Variants in MARCHF4 observed in about 807,000 individuals in gnomAD.
MARCHF4 encodes the protein membrane associated ring-CH-type finger 4, also known as E3 ubiquitin-protein ligase MARCHF4.
A neutral mutation model predicts 43.9 loss-of-function variants in MARCHF4; 14 were observed. The observed-to-expected ratio is 0.32, with a 90% CI of 0.21 to 0.50. The LOEUF (loss-of-function observed/expected upper bound fraction) is 0.50. Among genes scored for constraint, MARCHF4 ranks in the 20% least tolerant of loss-of-function variants. The pLI is 0.98. For synonymous variants in MARCHF4, 226 were observed against 213.3 expected (o/e 1.06, Z -0.52); for missense variants, 468 against 536.7 (o/e 0.87, Z 1.27).
intron 3 of MARCHF4, among the ~76,000 whole-genome samples, chr2:216,269,097 A>G (rs1441197471): frequency 6.6e-6 from 1 of 152,234 alleles, no homozygotes; most frequent in African/African-American, 2.4e-5. Flanking sequence ...AAGCTTTGGA[A>G]ATAATCTCAG....
At chr2:216,338,265 G>A (rs552436951) in intron 1 of MARCHF4, among the ~76,000 whole-genome samples, 7 of 152,266 alleles carry the variant, frequency 4.6e-5, no homozygotes, top group South Asian at 4.1e-4. Context: ...GTCACTCCTT[G>A]CCTTGTCCTC....
chr2:216,326,984 A>G (rs916870139), intron 1 of MARCHF4, among the ~76,000 whole-genome samples: 1 of 152,094 alleles, frequency 6.6e-6, no homozygotes, highest in Non-Finnish European at 1.5e-5. Flanking sequence ...ATAAATAAAT[A>G]AATAACAAAA....
At chr2:216,331,520 C>T (rs182158028) in intron 1 of MARCHF4, among the ~76,000 whole-genome samples, 1 of 152,098 alleles carries the variant, frequency 6.6e-6, no homozygotes, top group African/African-American at 2.4e-5. Context: ...ATCTGACATA[C>T]ACATGAAAAG....
intron 1 of MARCHF4, among the ~76,000 whole-genome samples, chr2:216,349,741 A>C (rs1352886625): frequency 6.6e-6 from 1 of 152,166 alleles, no homozygotes; most frequent in Non-Finnish European, 1.5e-5. Flanking sequence ...GATTAGCCAG[A>C]GTATCTGGTG....
intron 1 of MARCHF4, among the ~76,000 whole-genome samples, chr2:216,317,844 T>C (rs6709278): frequency 0.066 from 10,003 of 152,246 alleles, 1,108 homozygotes; most frequent in African/African-American, 0.23. Flanking sequence ...ACACATTGAC[T>C]ATCAGAGAAT....
intron 3 of MARCHF4, among the ~76,000 whole-genome samples, chr2:216,264,337 G>C (rs767316949): frequency 1.3e-5 from 2 of 152,118 alleles, no homozygotes; most frequent in Non-Finnish European, 2.9e-5. Flanking sequence ...GAAGATCACT[G>C]GTGGACCCTC....
intron 1 of MARCHF4, among the ~76,000 whole-genome samples, chr2:216,297,829 G>A (rs1424874671): frequency 6.6e-6 from 1 of 152,122 alleles, no homozygotes; most frequent in African/African-American, 2.4e-5. Context: ...GCCATTCAGC[G>A]GCATTGGTTG....
chr2:216,301,846 T>G (rs1691497384), intron 1 of MARCHF4, among the ~76,000 whole-genome samples: 1 of 152,224 alleles, frequency 6.6e-6, no homozygotes, highest in African/African-American at 2.4e-5. Context: ...ACAGTATTGC[T>G]GATCTAATAA....
chr2:216,324,892 T>C (rs1691963041), intron 1 of MARCHF4, among the ~76,000 whole-genome samples: 1 of 147,746 alleles, frequency 6.8e-6, no homozygotes, highest in South Asian at 2.2e-4. Context: ...GCATTCCCTT[T>C]GAAAACGGGC....
intron 1 of MARCHF4, among the ~76,000 whole-genome samples, chr2:216,315,134 C>T (rs1414342172): frequency 6.6e-6 from 1 of 152,054 alleles, no homozygotes; most frequent in Non-Finnish European, 1.5e-5. Flanking sequence ...AAAGGTCAAG[C>T]AAATTCACAA....
At chr2:216,272,242 C>G (rs575808519) in intron 3 of MARCHF4, among the ~76,000 whole-genome samples, 2 of 152,246 alleles carry the variant, frequency 1.3e-5, no homozygotes, top group Non-Finnish European at 2.9e-5. Flanking sequence ...GAACCTTTCA[C>G]CAGAGTGTCT....
At chr2:216,329,038 A>G (rs1692041790) in intron 1 of MARCHF4, among the ~76,000 whole-genome samples, 1 of 152,110 alleles carries the variant, frequency 6.6e-6, no homozygotes, top group Non-Finnish European at 1.5e-5. Context: ...AAAACAACAA[A>G]CAAGAAAACA....
chr2:216,291,359 G>C (rs1691305069), intron 1 of MARCHF4, among the ~76,000 whole-genome samples: 1 of 152,164 alleles, frequency 6.6e-6, no homozygotes, highest in South Asian at 2.1e-4. Context: ...GCAATATGAA[G>C]AAAAGGCATA....
chr2:216,281,058 C>CT lies in MARCHF4; in HGVS notation c.672+2515dup, dbSNP rs58189904. 2.1e-3 allele frequency among the ~76,000 whole-genome samples: 214 copies of CT among 104,290 alleles called. 1 individual carries two copies. The highest frequency in any genetic ancestry group is 5.0e-3 in the East Asian group (19 of 3,838). The allele number at this position is 104,290 out of a possible 152,430, so 68.4% of individuals were successfully genotyped here. ...GGAAACAGTGTATTATTTCTCACAACTTTTTTTTTTTTTTTTTTTTTTTTT... is the reference window on the plus strand; with the variant it reads ...GGAAACAGTGTATTATTTCTCACAACTTTTTTTTTTTTTTTTTTTTTTTTTT... On this transcript the variant is annotated intron_variant, in intron 2 of 3. Coordinates refer to ENST00000273067, the MANE Select transcript of MARCHF4 (RefSeq NM_020814.3).
chr2:216,306,335 A>G (rs1387339334), intron 1 of MARCHF4, among the ~76,000 whole-genome samples: 1 of 152,234 alleles, frequency 6.6e-6, no homozygotes, highest in Non-Finnish European at 1.5e-5. Flanking sequence ...ATCATTTTAT[A>G]AGTAAAATAG....
At chr2:216,290,916 C>G (rs568674941) in intron 1 of MARCHF4, among the ~76,000 whole-genome samples, 2 of 152,240 alleles carry the variant, frequency 1.3e-5, no homozygotes, top group East Asian at 3.9e-4. Context: ...AAAGTGTCAA[C>G]TTTGAGATGC....
chr2:216,360,290 T>C (rs996604321), intron 1 of MARCHF4, among the ~76,000 whole-genome samples: 1 of 152,212 alleles, frequency 6.6e-6, no homozygotes, highest in Non-Finnish European at 1.5e-5. Flanking sequence ...CATTTGCCTT[T>C]AAATGTCTCA....
chr2:216,352,584 T>A (rs556912182), intron 1 of MARCHF4, among the ~76,000 whole-genome samples: 2 of 152,252 alleles, frequency 1.3e-5, no homozygotes, highest in African/African-American at 4.8e-5. Context: ...CCTGAACTCC[T>A]GGGCTCAAGC....
At chr2:216,296,725 T>G (rs12466796) in intron 1 of MARCHF4, among the ~76,000 whole-genome samples, 3,099 of 152,372 alleles carry the variant, frequency 0.02, 96 homozygotes, top group African/African-American at 0.071. Flanking sequence ...ACATTTAAAT[T>G]GTTTTTCAAT....
Sources: allele counts gnomAD v4.1 joint callset (sites outside exome capture counted in the v4.1 genomes callset), GRCh38; gene constraint gnomAD v4.1.1; transcripts MANE v1.5; gene names NCBI Gene and HGNC (gene_info 2026-07-23, HGNC 2026-07-21).